Variants in FAM81A observed in about 807,000 individuals in gnomAD.
FAM81A encodes protein FAM81A.
In FAM81A, 19 loss-of-function variants were observed where a neutral mutation model predicts 46.7. The ratio of observed to expected loss-of-function variants is 0.41; its 90% CI spans 0.28 to 0.60. The LOEUF (loss-of-function observed/expected upper bound fraction) is 0.60. FAM81A is among the 20% of genes least tolerant of loss of function. FAM81A has a pLI of 0.34. For missense variants in FAM81A, 377 were observed against 453.5 expected, an observed-to-expected ratio of 0.83 and a Z score of 1.53; for synonymous variants, 183 against 152.9, an observed-to-expected ratio of 1.20 and a Z score of -1.45.
chr15:59,428,099 A>T (rs758585937), intron 2 of FAM81A, among the ~76,000 whole-genome samples: 2 of 151,976 alleles, frequency 1.3e-5, no homozygotes, highest in Non-Finnish European at 2.9e-5. Flanking sequence ...AGCCGTTTTA[A>T]CTCGGGTGAG....
intron 3 of FAM81A, among the ~76,000 whole-genome samples, chr15:59,481,775 T>C (rs922104400): frequency 1.3e-5 from 2 of 151,836 alleles, no homozygotes; most frequent in Non-Finnish European, 1.5e-5. Context: ...ACATTATGAA[T>C]ATATATTTTT....
At chr15:59,474,825 T>C (rs967377399) in intron 3 of FAM81A, among the ~76,000 whole-genome samples, 2 of 152,198 alleles carry the variant, frequency 1.3e-5, no homozygotes, top group Non-Finnish European at 2.9e-5. Flanking sequence ...AATAAACCCA[T>C]GTGGCAAAAC....
intron 3 of FAM81A, among the ~76,000 whole-genome samples, chr15:59,466,064 T>C (rs1273570486): frequency 6.6e-6 from 1 of 152,230 alleles, no homozygotes; most frequent in Non-Finnish European, 1.5e-5. Flanking sequence ...CTGCATAGTA[T>C]TTCATGGTGT....
chr15:59,493,456 C>G (rs2082002366), intron 4 of FAM81A, among the ~76,000 whole-genome samples: 1 of 152,182 alleles, frequency 6.6e-6, no homozygotes, highest in Non-Finnish European at 1.5e-5. Context: ...ACTCCCTCTT[C>G]TCTCTCTACC....
intron 2 of FAM81A, among the ~76,000 whole-genome samples, chr15:59,423,659 T>G (rs1292064523): frequency 6.6e-6 from 1 of 152,190 alleles, no homozygotes; most frequent in African/African-American, 2.4e-5. Context: ...AAACTCAAGG[T>G]TAAATATTTG....
chr15:59,415,327 C>T (rs1034147879), intron 2 of FAM81A, among the ~76,000 whole-genome samples: 4 of 152,008 alleles, frequency 2.6e-5, no homozygotes, highest in East Asian at 1.9e-4. Context: ...ACCATGTTGG[C>T]CAAGCTGGTC....
rs1044211842 is a variant in FAM81A, at chr15:59,507,128, T to C, written c.414-85T>C. Reference sequence around the variant, plus strand: ...GGATAGTGCACTTTCTTTGAGTGGGTTTTGCATTTCAGAGTGTATAAGGAA... The same window carrying C: ...GGATAGTGCACTTTCTTTGAGTGGGCTTTGCATTTCAGAGTGTATAAGGAA... On this transcript the variant is annotated intron_variant, in intron 4 of 8. Coordinates refer to ENST00000288228, the MANE Select transcript of FAM81A (RefSeq NM_152450.3). 38 of 1,485,266 alleles carry C rather than the reference T, an allele frequency of 2.6e-5. No individual in the cohort carries two copies. The East Asian group carries it at 7.9e-4, about 31-fold the overall frequency. The allele number at this position is 1,485,266 out of a possible 1,614,324, so 92.0% of individuals were successfully genotyped here.
In FAM81A at chr15:59,406,229, C is replaced by T. The variant is rs184102416; in HGVS notation, c.-78+3871C>T. On this transcript the variant is annotated intron_variant, in intron 2 of 4. Transcript: ENST00000558348. ...AGGATAAACACTGACACCTGCCTACCTTCTCACATTCTAATTTCTAAGGTA... is the reference window on the plus strand; with the variant it reads ...AGGATAAACACTGACACCTGCCTACTTTCTCACATTCTAATTTCTAAGGTA... Among the ~76,000 whole-genome samples, 411 of 152,298 alleles carry T rather than the reference C, an allele frequency of 2.7e-3. 2 individuals carry two copies. Among genetic ancestry groups the T allele is most frequent in the African/African-American group, 9.3e-3 (385 of 41,552 alleles).
intron 1 of FAM81A, among the ~76,000 whole-genome samples, chr15:59,443,610 C>T (rs544075660): frequency 5.8e-4 from 88 of 152,256 alleles, no homozygotes; most frequent in African/African-American, 2.1e-3. Context: ...GTGTCCCTTT[C>T]AGTGCATTCC....
At chr15:59,457,045 G>C (rs1363637810) in intron 1 of FAM81A, among the ~76,000 whole-genome samples, 9 of 152,320 alleles carry the variant, frequency 5.9e-5, no homozygotes. Context: ...CTTTAAAACT[G>C]TAAAGATTCT....
In FAM81A at chr15:59,460,271, C is replaced by T. The variant is rs530849431; in HGVS notation, c.294+65C>T. On this transcript the variant is annotated intron_variant, in intron 3 of 8. Coordinates refer to ENST00000288228, the MANE Select transcript of FAM81A (RefSeq NM_152450.3). The surrounding 1 kb of genome is among the most constrained non-coding windows in gnomAD (Gnocchi z 4.4). ...ACAGAATTGCTCCATGTCAGGAGGT[C>T]ACCCACATCTAACTCCTACCTCCCA... is the stretch of plus-strand genomic sequence containing the variant. The T allele has an allele frequency of 6.2e-7, 1 of 1,603,314 alleles. No individual in the cohort carries two copies. Among genetic ancestry groups the T allele is most frequent in the South Asian group, 1.1e-5 (1 of 90,428 alleles).
chr15:59,516,136 T>C (rs2082264145), intron 7 of FAM81A, among the ~76,000 whole-genome samples: 1 of 151,402 alleles, frequency 6.6e-6, no homozygotes, highest in Admixed American at 6.6e-5. Flanking sequence ...GTTTTTTTTT[T>C]TTTTTTTTGA....
chr15:59,470,114 G>A (rs1419428678), intron 3 of FAM81A, among the ~76,000 whole-genome samples: 2 of 152,160 alleles, frequency 1.3e-5, no homozygotes, highest in Admixed American at 6.5e-5. Flanking sequence ...TGGGTAACTC[G>A]ACCTTTCTGT....
Position 59,460,048 on chromosome 15 carries a change from G to A in FAM81A, c.136G>A (p.Ala46Thr), listed in dbSNP as rs746953331. ...RILCHEKTTA[A>T]LVEHAFRIKD... ...CCTCTGCCATGAGAAAACCACCGCCGCCCTCGTAGAGCACGCCTTTCGGAT... is the reference window on the plus strand; with the variant it reads ...CCTCTGCCATGAGAAAACCACCGCCACCCTCGTAGAGCACGCCTTTCGGAT... The change falls in exon 3 of 9, where the codon GCC becomes ACC. Residue 46 changes from alanine (A) to threonine (T), a missense_variant. Coordinates refer to ENST00000288228, the MANE Select transcript of FAM81A (RefSeq NM_152450.3). This position sits in a 1 kb window ranked among gnomAD's most constrained non-coding sequence, Gnocchi z 4.4. 67 of 1,613,774 alleles carry A rather than the reference G, an allele frequency of 4.2e-5. No individual in the cohort carries two copies. Among genetic ancestry groups the A allele is most frequent in the Middle Eastern group, 1.6e-4 (1 of 6,084 alleles).
intron 1 of FAM81A, among the ~76,000 whole-genome samples, chr15:59,448,135 G>C (rs1172341833): frequency 6.6e-6 from 1 of 152,108 alleles, no homozygotes; most frequent in Non-Finnish European, 1.5e-5. Context: ...CCAGCATTTT[G>C]GGAGTCCTAG....
chr15:59,443,574 C>G (rs775027235), intron 1 of FAM81A, among the ~76,000 whole-genome samples: 1 of 152,172 alleles, frequency 6.6e-6, no homozygotes, highest in East Asian at 1.9e-4. Flanking sequence ...TTGGCCTTGT[C>G]TGATGTTTCT....
At chr15:59,479,519 G>GAAAAAAA (rs57107735) in intron 3 of FAM81A, among the ~76,000 whole-genome samples, 35 of 72,658 alleles carry the variant, frequency 4.8e-4, no homozygotes, top group East Asian at 4.2e-4. Context: ...TCAAAAATAA[G>GAAAAAAA]AAAAAAAAAA....
At position 59,429,551 on chromosome 15, in the gene FAM81A, A is replaced by G. The variant is rs139302374; in HGVS notation, c.-78+27193A>G. Among the ~76,000 whole-genome samples, 867 of 152,278 alleles carry G rather than the reference A, an allele frequency of 5.7e-3. 7 individuals are homozygous for G. The highest frequency in any genetic ancestry group is 0.02 in the African/African-American group (843 of 41,546). On this transcript the variant is annotated intron_variant, in intron 2 of 4. Transcript: ENST00000558348. Reference sequence around the variant, plus strand: ...AAGTGTTCCTACATATACCACTATTATCTCCCCTTGGAAAAAGGGTTGACT... The same window carrying G: ...AAGTGTTCCTACATATACCACTATTGTCTCCCCTTGGAAAAAGGGTTGACT...
intron 3 of FAM81A, among the ~76,000 whole-genome samples, chr15:59,467,187 C>T (rs1463839279): frequency 6.6e-6 from 1 of 152,128 alleles, no homozygotes. Context: ...CTTGGCAATT[C>T]AGGCTCTTTT....
Sources: allele counts gnomAD v4.1 joint callset (sites outside exome capture counted in the v4.1 genomes callset), GRCh38; gene constraint gnomAD v4.1.1; non-coding constraint Gnocchi (gnomAD v3.1); transcripts MANE v1.5; gene names NCBI Gene and HGNC (gene_info 2026-07-23, HGNC 2026-07-21).